Variants in KCNH7 observed in about 807,000 individuals in gnomAD.
KCNH7 encodes voltage-gated inwardly rectifying potassium channel KCNH7.
KCNH7 carries 49 observed loss-of-function variants against 120.8 expected under a neutral mutation model. That is an observed-to-expected ratio of 0.41 (90% CI 0.32 to 0.51). The LOEUF (loss-of-function observed/expected upper bound fraction) is 0.51, where lower values mean the gene tolerates loss of function less well. Among genes scored for constraint, KCNH7 ranks in the 20% least tolerant of loss-of-function variants. The probability of loss-of-function intolerance (pLI) is 0.38; values close to 1 mark genes in which losing one functional copy is unlikely to be tolerated. For missense variants in KCNH7, 1,097 were observed against 1,446.6 expected, an observed-to-expected ratio of 0.76 and a Z score of 3.92; for synonymous variants, 547 against 516.1, an observed-to-expected ratio of 1.06 and a Z score of -0.81.
intron 6 of KCNH7, among the ~76,000 whole-genome samples, chr2:162,475,306 T>G (rs996682726): frequency 3.9e-5 from 6 of 152,206 alleles, no homozygotes; most frequent in Non-Finnish European, 8.8e-5. Context: ...TAAATTCAAA[T>G]TGCCTCACAA....
At chr2:162,511,116 A>G (rs1164037304) in intron 5 of KCNH7, among the ~76,000 whole-genome samples, 1 of 151,758 alleles carries the variant, frequency 6.6e-6, no homozygotes, top group Non-Finnish European at 1.5e-5. Flanking sequence ...TCCGTGTTCA[A>G]AGACTACTCC....
chr2:162,550,009 C>T lies in KCNH7; in HGVS notation c.308-12929G>A, dbSNP rs367996780. Among the ~76,000 whole-genome samples, 13 of 152,200 alleles carry T rather than the reference C, an allele frequency of 8.5e-5. No individual in the cohort carries two copies. The South Asian group carries it at 2.3e-3, about 27-fold the overall frequency. On this transcript the variant is annotated intron_variant, in intron 2 of 15. Coordinates refer to ENST00000332142, the MANE Select transcript of KCNH7 (RefSeq NM_033272.4). ...AAACAACAAATATTCAGAGTCTCTG[C>T]GTGGAGTATATGGAAGGCTTCCCAG...
At chr2:162,759,532 A>G (rs1207904982) in intron 2 of KCNH7, among the ~76,000 whole-genome samples, 1 of 152,044 alleles carries the variant, frequency 6.6e-6, no homozygotes, top group Non-Finnish European at 1.5e-5. Flanking sequence ...TGGGGTCTCT[A>G]CAACTCAAGA....
At chr2:162,620,059 T>C (rs1683290417) in intron 2 of KCNH7, among the ~76,000 whole-genome samples, 1 of 151,068 alleles carries the variant, frequency 6.6e-6, no homozygotes, top group Admixed American at 6.6e-5. Context: ...ATATATATGT[T>C]TGAGAGAGAG....
At chr2:162,750,406 C>T (rs992197712) in intron 2 of KCNH7, among the ~76,000 whole-genome samples, 4 of 148,254 alleles carry the variant, frequency 2.7e-5, no homozygotes, top group Non-Finnish European at 2.9e-5. Flanking sequence ...AAATAAAAGA[C>T]TTAGCAATTC....
intron 2 of KCNH7, among the ~76,000 whole-genome samples, chr2:162,670,497 A>G (rs1685312772): frequency 6.6e-6 from 1 of 150,660 alleles, no homozygotes; most frequent in South Asian, 2.1e-4. Context: ...AAAAAAGAAA[A>G]ATATTGACTG....
intron 2 of KCNH7, among the ~76,000 whole-genome samples, chr2:162,767,858 A>T (rs1183946741): frequency 6.6e-6 from 1 of 152,176 alleles, no homozygotes; most frequent in Non-Finnish European, 1.5e-5. Flanking sequence ...AAATTTTACC[A>T]GGGTTAGCCC....
intron 2 of KCNH7, among the ~76,000 whole-genome samples, chr2:162,757,628 A>G (rs952347607): frequency 3.3e-5 from 5 of 152,152 alleles, no homozygotes; most frequent in Admixed American, 3.3e-4. Flanking sequence ...AGGAACTGCC[A>G]TGCACAGATA....
chr2:162,405,386 A>C (rs1210502877), intron 9 of KCNH7, among the ~76,000 whole-genome samples: 1 of 151,970 alleles, frequency 6.6e-6, no homozygotes, highest in Admixed American at 6.6e-5. Flanking sequence ...CAACAACAAA[A>C]CATAATAACA....
chr2:162,833,440 C>T (rs1685547617), intron 2 of KCNH7, among the ~76,000 whole-genome samples: 1 of 152,000 alleles, frequency 6.6e-6, no homozygotes, highest in Non-Finnish European at 1.5e-5. Context: ...TTATATAAGT[C>T]ATAGCATAAT....
intron 6 of KCNH7, among the ~76,000 whole-genome samples, chr2:162,470,239 C>A (rs1213144726): frequency 1.3e-5 from 2 of 150,240 alleles, no homozygotes; most frequent in African/African-American, 2.5e-5. Context: ...TCTGCCCGGC[C>A]GCCATCCCAT....
chr2:162,513,517 C>T (rs1417133058), intron 4 of KCNH7, among the ~76,000 whole-genome samples: 2 of 140,304 alleles, frequency 1.4e-5, no homozygotes, highest in African/African-American at 2.6e-5. Flanking sequence ...TTCCTTCCTT[C>T]CTTCCTTTCT....
At chr2:162,398,882 A>G (rs949433322) in intron 10 of KCNH7, among the ~76,000 whole-genome samples, 3 of 151,894 alleles carry the variant, frequency 2.0e-5, no homozygotes, top group Non-Finnish European at 4.4e-5. Context: ...TTGTCAGCTT[A>G]TTGGTTAGAA....
Position 162,838,658 on chromosome 2 carries a change from A to G in KCNH7, c.-140T>C. On this transcript the variant is annotated 5_prime_UTR_variant, in exon 1 of 16. An upstream start codon of the reference 5' UTR is lost. Transcript: ENST00000332142. The stretch of plus-strand genomic sequence containing the variant: ...CTTTTGAAACCAGAATTCTCTTCCC[A>G]TTAGCACCACTTCTAGACACCCGCT... 1.6e-6 allele frequency: 1 copy of G among 628,884 alleles called. No homozygotes were observed. Among genetic ancestry groups the G allele is most frequent in the Non-Finnish European group, 2.8e-6 (1 of 361,198 alleles). 39.0% of individuals were successfully genotyped at this position (628,884 alleles called of 1,614,324 possible).
At chr2:162,505,023 G>A (rs1690823424) in intron 5 of KCNH7, among the ~76,000 whole-genome samples, 1 of 151,924 alleles carries the variant, frequency 6.6e-6, no homozygotes, top group Non-Finnish European at 1.5e-5. Context: ...GATTATTTAA[G>A]AAGGACTTAC....
At chr2:162,460,336 T>C (rs898958486) in intron 6 of KCNH7, among the ~76,000 whole-genome samples, 6 of 152,276 alleles carry the variant, frequency 3.9e-5, no homozygotes, top group Admixed American at 3.9e-4. Flanking sequence ...AGCTGCCGTA[T>C]GGTGCCCTAT....
At chr2:162,399,634 A>C (rs1476107555) in intron 10 of KCNH7, among the ~76,000 whole-genome samples, 1 of 151,910 alleles carries the variant, frequency 6.6e-6, no homozygotes, top group Non-Finnish European at 1.5e-5. Context: ...AGTTATGACT[A>C]ATTTAATCTC....
rs767994804 is a variant in KCNH7 at position 162,446,427 on chromosome 2, G to T, written c.1145C>A (p.Ala382Glu). 2 of 1,608,230 alleles carry T rather than the reference G, an allele frequency of 1.2e-6. No individual in the cohort carries two copies. Residue 382 changes from alanine (A) to glutamate (E), a missense_variant, in exon 7 of 16, where the codon GCA becomes GAA. By Grantham distance (107) the Ala-to-Glu change is moderately radical. Coordinates refer to ENST00000332142, the MANE Select transcript of KCNH7 (RefSeq NM_033272.4). ...CAGTTTGTATTCAGGTAGGACATCT[G>T]CTCCTAAAGAGAGAACCTGAATGTG... ...EKVTQVLSLGADVLPEYKLQT... is the reference protein window; with the variant it reads ...EKVTQVLSLGEDVLPEYKLQT...
chr2:162,770,611 CTG>C (rs1478324348), intron 2 of KCNH7, among the ~76,000 whole-genome samples: 1 of 152,004 alleles, frequency 6.6e-6, no homozygotes, highest in African/African-American at 2.4e-5. Flanking sequence ...CATCCTGAAA[CTG>C]TGACTATTAT....
Sources: allele counts gnomAD v4.1 joint callset (sites outside exome capture counted in the v4.1 genomes callset), GRCh38; gene constraint gnomAD v4.1.1; transcripts MANE v1.5; gene names NCBI Gene and HGNC (gene_info 2026-07-23, HGNC 2026-07-21).